ZNF385D: variants seen among roughly 807,000 people sequenced by gnomAD.
ZNF385D encodes the protein zinc finger protein 385D.
In ZNF385D, 15 loss-of-function variants were observed where a neutral mutation model predicts 35.8. That is an observed-to-expected ratio of 0.42 (90% CI 0.28 to 0.64). The LOEUF (loss-of-function observed/expected upper bound fraction) is 0.64, where lower values mean the gene tolerates loss of function less well. ZNF385D is among the 30% of genes least tolerant of loss of function. The pLI is 0.23. For missense variants in ZNF385D, 474 were observed against 494.6 expected, an observed-to-expected ratio of 0.96 and a Z score of 0.39; for synonymous variants, 212 against 186.8, an observed-to-expected ratio of 1.13 and a Z score of -1.10.
At chr3:21,653,534 A>G (rs1252748573) in intron 2 of ZNF385D, among the ~76,000 whole-genome samples, 1 of 152,108 alleles carries the variant, frequency 6.6e-6, no homozygotes, top group East Asian at 1.9e-4. Context: ...TACACAATAT[A>G]TGTATGTTTT....
chr3:21,850,355 C>T (rs553050206), intron 3 of ZNF385D, among the ~76,000 whole-genome samples: 5 of 152,018 alleles, frequency 3.3e-5, no homozygotes, highest in African/African-American at 9.7e-5. Flanking sequence ...ACAATCACGA[C>T]AGCTTTGTGC....
intron 3 of ZNF385D, among the ~76,000 whole-genome samples, chr3:22,056,333 G>C: frequency 7.0e-6 from 1 of 141,972 alleles, no homozygotes; most frequent in Non-Finnish European, 1.5e-5. Flanking sequence ...GATACCTAGA[G>C]AGTACAGTAA....
chr3:22,280,102 G>GT (rs1483654691), intron 2 of ZNF385D, among the ~76,000 whole-genome samples: 1 of 152,004 alleles, frequency 6.6e-6, no homozygotes, highest in Admixed American at 6.6e-5. Context: ...GTCTATTCAT[G>GT]TCCTTAGCCC....
intron 1 of ZNF385D, among the ~76,000 whole-genome samples, chr3:21,675,303 T>A (rs1237934668): frequency 1.3e-5 from 2 of 151,754 alleles, no homozygotes; most frequent in African/African-American, 4.8e-5. Context: ...GGTGTAAATT[T>A]ATGCTATCTC....
At chr3:21,574,604 A>T (rs920172420) in intron 2 of ZNF385D, among the ~76,000 whole-genome samples, 4 of 152,148 alleles carry the variant, frequency 2.6e-5, no homozygotes, top group Admixed American at 2.0e-4. Context: ...CATTATCATT[A>T]TAAATATAGT....
At chr3:22,163,309 T>C (rs938756290) in intron 3 of ZNF385D, among the ~76,000 whole-genome samples, 1 of 152,192 alleles carries the variant, frequency 6.6e-6, no homozygotes, top group Admixed American at 6.5e-5. Flanking sequence ...ACATGCATTC[T>C]ATATACCTTT....
chr3:21,651,576 C>T (rs927641253), intron 2 of ZNF385D, among the ~76,000 whole-genome samples: 58 of 149,100 alleles, frequency 3.9e-4, no homozygotes, highest in Non-Finnish European at 7.4e-4. Context: ...AATGGTTTCT[C>T]AAAGTCATTG....
Position 21,937,714 on chromosome 3 carries a change from A to G in ZNF385D, c.325+231103T>C, listed in dbSNP as rs1701327357. ...TCTGTTTCCCTACAGCTTGATGTGAACAAGAAAAAAATGTGTTTTCCTTTT... is the reference window on the plus strand; with the variant it reads ...TCTGTTTCCCTACAGCTTGATGTGAGCAAGAAAAAAATGTGTTTTCCTTTT... On this transcript the variant is annotated intron_variant, in intron 3 of 5. Transcript: ENST00000494108. 1.3e-5 allele frequency among the ~76,000 whole-genome samples: 2 copies of G among 152,196 alleles called. 1 individual carries two copies. The highest frequency in any genetic ancestry group is 1.3e-4 in the Admixed American group (2 of 15,280).
chr3:22,059,649 A>G (rs1274941184), intron 3 of ZNF385D, among the ~76,000 whole-genome samples: 2 of 152,170 alleles, frequency 1.3e-5, no homozygotes, highest in Non-Finnish European at 2.9e-5. Flanking sequence ...TGAGTTCTCC[A>G]ATGGGTATGT....
Position 21,833,957 on chromosome 3 carries a change from T to G in ZNF385D, c.326-168929A>C, listed in dbSNP as rs146338400. ...AATGATTTAAAAGATAAAGTTATTT[T>G]AGAAGAGTTCTTTAATTGAAAATGT... On this transcript the variant is annotated intron_variant, in intron 3 of 5. Transcript: ENST00000494108. Among the ~76,000 whole-genome samples, 20 of 152,288 alleles carry G rather than the reference T, an allele frequency of 1.3e-4. No individual in the cohort carries two copies. The East Asian group carries it at 3.9e-3, about 29-fold the overall frequency.
chr3:22,041,623 G>C (rs1040279324), intron 3 of ZNF385D, among the ~76,000 whole-genome samples: 1 of 152,018 alleles, frequency 6.6e-6, no homozygotes, highest in Non-Finnish European at 1.5e-5. Flanking sequence ...CACTAAAATA[G>C]GCTCAGACTG....
intron 2 of ZNF385D, among the ~76,000 whole-genome samples, chr3:21,591,693 G>A (rs1048438323): frequency 3.3e-5 from 5 of 152,068 alleles, no homozygotes; most frequent in African/African-American, 7.2e-5. Flanking sequence ...GAAGCACTCC[G>A]CTTCTGAAGT....
chr3:22,319,824 C>A (rs1408407215), intron 2 of ZNF385D, among the ~76,000 whole-genome samples: 1 of 152,114 alleles, frequency 6.6e-6, no homozygotes, highest in Non-Finnish European at 1.5e-5. Flanking sequence ...AAGGGGTTGA[C>A]TTTGAATCTA....
intron 3 of ZNF385D, among the ~76,000 whole-genome samples, chr3:21,787,397 T>C (rs894787818): frequency 3.9e-5 from 6 of 152,104 alleles, no homozygotes; most frequent in African/African-American, 1.2e-4. Context: ...AAAACAAAAA[T>C]AGATGTATTT....
chr3:21,958,353 T>G (rs1304293318), intron 3 of ZNF385D, among the ~76,000 whole-genome samples: 2 of 152,128 alleles, frequency 1.3e-5, no homozygotes, highest in African/African-American at 2.4e-5. Context: ...TGCTTTCCAG[T>G]CACAGGAATT....
intron 3 of ZNF385D, among the ~76,000 whole-genome samples, chr3:21,923,887 C>T (rs1700596586): frequency 6.6e-6 from 1 of 152,144 alleles, no homozygotes; most frequent in Non-Finnish European, 1.5e-5. Context: ...GAGTTAACCT[C>T]AGTATCACAT....
intron 2 of ZNF385D, among the ~76,000 whole-genome samples, chr3:22,342,306 G>T (rs554506793): frequency 3.1e-4 from 44 of 142,458 alleles, no homozygotes; most frequent in African/African-American, 1.0e-3. Context: ...AAAAAAGACT[G>T]AATGAATTAC....
At chr3:21,424,103 C>T (rs751944151) in intron 6 of ZNF385D, 39 bp from the exon 7 acceptor site, 18 of 1,521,428 alleles carry the variant, frequency 1.2e-5, no homozygotes, top group Non-Finnish European at 1.5e-5. Flanking sequence ...TTAAAAAAAT[C>T]ATCTGCAAAA....
Position 21,413,977 on chromosome 3 carries a change from C to T in ZNF385D, c.*7237G>A, listed in dbSNP as rs937678080. 6.6e-6 allele frequency: 1 copy of T among 152,058 alleles called. No individual in the cohort carries two copies. The highest frequency in any genetic ancestry group is 2.4e-5 in the African/African-American group (1 of 41,420). The allele number at this position is 152,058 out of a possible 1,614,324, so 9.4% of individuals were successfully genotyped here. ...AGCCATTTTAAAATAGCCAAACATC[C>T]AGTTTTTGTGAGAGCTGAATATTTC... On this transcript the variant is annotated 3_prime_UTR_variant, in exon 8 of 8. Transcript: ENST00000281523.
Sources: allele counts gnomAD v4.1 joint callset (sites outside exome capture counted in the v4.1 genomes callset), GRCh38; gene constraint gnomAD v4.1.1; transcripts MANE v1.5; gene names NCBI Gene and HGNC (gene_info 2026-07-23, HGNC 2026-07-21).